The following SYT2 variants were observed in gnomAD, a reference collection of about 807,000 sequenced individuals.
The protein encoded by SYT2 is synaptotagmin 2, also known as synaptotagmin-2.
SYT2 carries 15 observed loss-of-function variants against 39.9 expected under a neutral mutation model. That is an observed-to-expected ratio of 0.38 (90% confidence interval 0.25 to 0.58). The LOEUF (loss-of-function observed/expected upper bound fraction) is 0.58. SYT2 is among the 20% of genes least tolerant of loss of function. The pLI, the probability that SYT2 is intolerant of heterozygous loss-of-function variation, is 0.70. For synonymous variants in SYT2, 181 were observed against 204.5 expected (o/e 0.89, Z 0.98); for missense variants, 389 against 530.3 (o/e 0.73, Z 2.62).
chr1:202,680,771 C>A (rs1653504392), intron 1 of SYT2, among the ~76,000 whole-genome samples: 1 of 152,184 alleles, frequency 6.6e-6, no homozygotes, highest in Non-Finnish European at 1.5e-5. Context: ...ACCTGTGGTG[C>A]TGTCCAACAA....
chr1:202,627,320 C>A (rs1179358272), intron 1 of SYT2: 2 of 432,330 alleles, frequency 4.6e-6, no homozygotes, highest in Non-Finnish European at 6.2e-6. Flanking sequence ...AGAGGAGCAG[C>A]CTGATTGCTG....
intron 1 of SYT2, among the ~76,000 whole-genome samples, chr1:202,698,905 G>A (rs1219112323): frequency 6.6e-6 from 1 of 151,956 alleles, no homozygotes. Flanking sequence ...GCCAAGGGAA[G>A]CACTTCAGGT....
intron 1 of SYT2, among the ~76,000 whole-genome samples, chr1:202,641,969 T>TG (rs1385155054): frequency 6.6e-6 from 1 of 151,316 alleles, no homozygotes; most frequent in South Asian, 2.1e-4. Flanking sequence ...TACTTTGGGA[T>TG]GGGGGGTGCA....
At chr1:202,690,557 A>G (rs1476868244) in intron 1 of SYT2, among the ~76,000 whole-genome samples, 2 of 152,144 alleles carry the variant, frequency 1.3e-5, no homozygotes, top group African/African-American at 4.8e-5. Flanking sequence ...CCCTCCAGTA[A>G]TCTAACAGTT....
At chr1:202,704,458 G>A (rs1053452777) in intron 1 of SYT2, among the ~76,000 whole-genome samples, 1 of 152,192 alleles carries the variant, frequency 6.6e-6, no homozygotes, top group Admixed American at 6.5e-5. Context: ...AGTAAGGAAG[G>A]AATGGGGTGC....
intron 1 of SYT2, among the ~76,000 whole-genome samples, chr1:202,683,350 G>A (rs994183988): frequency 6.6e-6 from 1 of 152,164 alleles, no homozygotes; most frequent in Non-Finnish European, 1.5e-5. Context: ...AATGACACAA[G>A]GAAATACAAC....
At position 202,652,689 on chromosome 1, in the gene SYT2, G is replaced by A. The variant is rs374639517; in HGVS notation, c.-17-46900C>T. Among the ~76,000 whole-genome samples, 271 of 152,268 alleles carry A rather than the reference G, an allele frequency of 1.8e-3. 2 individuals are homozygous for A. The highest frequency in any genetic ancestry group is 4.4e-3 in the African/African-American group (183 of 41,550). ...CCCTCAGCTATCCTGGGAGGGGGCCGGGCATCAGTCATTCTCCATGTAGCC... is the reference window on the plus strand; with the variant it reads ...CCCTCAGCTATCCTGGGAGGGGGCCAGGCATCAGTCATTCTCCATGTAGCC... On this transcript the variant is annotated intron_variant, in intron 1 of 8. Coordinates refer to ENST00000367268, the MANE Select transcript of SYT2 (RefSeq NM_177402.5).
rs114382913 is a variant in SYT2, at chr1:202,647,859, T to G, written c.-17-42070A>C. Among the ~76,000 whole-genome samples the G allele has an allele frequency of 8.9e-4, 133 of 148,690 alleles. No individual in the cohort carries two copies. In the South Asian group the frequency reaches 0.014, roughly 15 times the overall value. ...CCTCCCCCTCCAAATCACTGAGCCA[T>G]GGGAGCAGCAGCTCTTAGTGCTTGT... On this transcript the variant is annotated intron_variant, in intron 1 of 8. Transcript: ENST00000367268.
chr1:202,640,870 G>A (rs1691899111), intron 1 of SYT2, among the ~76,000 whole-genome samples: 1 of 152,068 alleles, frequency 6.6e-6, no homozygotes, highest in South Asian at 2.1e-4. Context: ...CAAGATGGTA[G>A]AGGAAGATCA....
At chr1:202,692,819 GGAGACC>G (rs1653870908) in intron 1 of SYT2, among the ~76,000 whole-genome samples, 1 of 152,210 alleles carries the variant, frequency 6.6e-6, no homozygotes, top group Admixed American at 6.5e-5. Flanking sequence ...CAGCACTTTG[GGAGACC>G]GAGGTGGGAA....
intron 1 of SYT2, among the ~76,000 whole-genome samples, chr1:202,663,666 C>T (rs1692429001): frequency 6.6e-6 from 1 of 152,194 alleles, no homozygotes; most frequent in African/African-American, 2.4e-5. Context: ...TTTACCTCTT[C>T]CCCCTCACAC....
chr1:202,661,545 C>T (rs555754537), intron 1 of SYT2, among the ~76,000 whole-genome samples: 2 of 152,218 alleles, frequency 1.3e-5, no homozygotes, highest in Non-Finnish European at 2.9e-5. Context: ...AACATTCCCT[C>T]GTGGTTGCCC....
chr1:202,704,823 C>T lies in SYT2; in HGVS notation c.-18+5435G>A, dbSNP rs1442412852. On this transcript the variant is annotated intron_variant, in intron 1 of 8. Coordinates refer to ENST00000367268, the MANE Select transcript of SYT2 (RefSeq NM_177402.5). ...CTCTGGATTCAGCGGGGTGTCCCAT[C>T]ATGCACTCAAGACTGCCCACCCTGG... is the stretch of plus-strand genomic sequence containing the variant. Among the ~76,000 whole-genome samples, 3 of 152,348 alleles carry T rather than the reference C, an allele frequency of 2.0e-5. No homozygotes were observed. The South Asian group carries it at 6.2e-4, about 32-fold the overall frequency.
chr1:202,687,680 A>AAG (rs1553342880), intron 1 of SYT2, among the ~76,000 whole-genome samples: 18 of 151,722 alleles, frequency 1.2e-4, no homozygotes, highest in Non-Finnish European at 2.2e-4. Context: ...AAAAAAAAAA[A>AAG]AAAAGAAAAG....
chr1:202,647,662 G>A (rs1446732988), intron 1 of SYT2, among the ~76,000 whole-genome samples: 4 of 152,210 alleles, frequency 2.6e-5, no homozygotes, highest in Non-Finnish European at 2.9e-5. Context: ...CACCTTGACC[G>A]AGTTCCCTCC....
At chr1:202,655,095 T>A (rs906098996) in intron 1 of SYT2, among the ~76,000 whole-genome samples, 4 of 152,026 alleles carry the variant, frequency 2.6e-5, no homozygotes, top group Non-Finnish European at 4.4e-5. Flanking sequence ...GGTAAGAGCA[T>A]GAGGTGGGTG....
In SYT2 at chr1:202,692,561, CT is replaced by C. The variant is rs1653863672; in HGVS notation, c.-18+17696del. ...ACTCAGGCCTTGCATGTTAAGATTA[CT>C]TTTAAAGACTTTCTGGAAAAGGCAA... On this transcript the variant is annotated intron_variant, in intron 1 of 8. Coordinates refer to ENST00000367268, the MANE Select transcript of SYT2 (RefSeq NM_177402.5). 2.0e-5 allele frequency among the ~76,000 whole-genome samples: 3 copies of C among 152,336 alleles called. No homozygotes were observed. In the South Asian group the frequency reaches 6.2e-4, roughly 32 times the overall value.
chr1:202,659,642 TGAGCATCACAAG>T (rs1397955341), intron 1 of SYT2, among the ~76,000 whole-genome samples: 3 of 152,150 alleles, frequency 2.0e-5, no homozygotes, highest in Non-Finnish European at 4.4e-5. Flanking sequence ...CAGCAGGTGG[TGAGCATCACAAG>T]GTCCTAAGCT....
At position 202,608,777 on chromosome 1, in the gene SYT2, TG is replaced by T. The variant is rs1369924198; in HGVS notation, c.-17-2989del. Among the ~76,000 whole-genome samples, 80 of 152,252 alleles carry T rather than the reference TG, an allele frequency of 5.3e-4. 1 individual carries two copies. The highest frequency in any genetic ancestry group is 1.7e-3 in the Admixed American group (26 of 15,288). On this transcript the variant is annotated intron_variant, in intron 1 of 8. Coordinates refer to ENST00000367268, the MANE Select transcript of SYT2 (RefSeq NM_177402.5). ...TTGGGTATATACATAGGTATGGAAT[TG>T]CTGGGTCATAACTATGTTTGACATT...
Sources: allele counts gnomAD v4.1 joint callset (sites outside exome capture counted in the v4.1 genomes callset), GRCh38; gene constraint gnomAD v4.1.1; transcripts MANE v1.5; gene names NCBI Gene and HGNC (gene_info 2026-07-23, HGNC 2026-07-21).